The following GLYATL3 variants were observed in gnomAD, a reference collection of about 807,000 sequenced individuals.
The protein encoded by GLYATL3 is glycine N-acyltransferase-like protein 3.
A neutral mutation model predicts 28.5 loss-of-function variants in GLYATL3; 31 were observed. The observed-to-expected ratio is 1.09, with a 90% CI of 0.82 to 1.47. The LOEUF (loss-of-function observed/expected upper bound fraction) is 1.47. Ranked by LOEUF, GLYATL3 falls within the 40% of genes most tolerant of loss-of-function variation. The probability of loss-of-function intolerance (pLI) is 0.00; values close to 1 mark genes in which losing one functional copy is unlikely to be tolerated. For missense variants in GLYATL3, 369 were observed against 351.5 expected, an observed-to-expected ratio of 1.05 and a Z score of -0.40; for synonymous variants, 141 against 140.2, an observed-to-expected ratio of 1.01 and a Z score of -0.04.
chr6:49,505,059 C>A (rs976829741), intron 1 of GLYATL3, among the ~76,000 whole-genome samples: 1 of 152,088 alleles, frequency 6.6e-6, no homozygotes, highest in Non-Finnish European at 1.5e-5. Context: ...TAGCTTTTTT[C>A]CAACTGAGAG....
intron 1 of GLYATL3, among the ~76,000 whole-genome samples, chr6:49,510,000 TTCTC>T (rs771245691): frequency 2.2e-5 from 3 of 139,202 alleles, no homozygotes; most frequent in Admixed American, 7.7e-5. Flanking sequence ...CTTTCTTTCT[TTCTC>T]TTTCTTTCCT....
Position 49,527,011 on chromosome 6 carries a change from T to C in GLYATL3, c.*97T>C, listed in dbSNP as rs1044951327. 1.1e-5 allele frequency: 10 copies of C among 918,232 alleles called. No individual in the cohort carries two copies. In the African/African-American group the frequency reaches 1.7e-4, roughly 15 times the overall value. 56.9% of individuals were successfully genotyped at this position (918,232 alleles called of 1,614,324 possible). A position where few individuals can be genotyped will look rare whatever the true frequency, so the allele number is the denominator to read the frequency against. On this transcript the variant is annotated 3_prime_UTR_variant, in exon 6 of 6. Coordinates refer to ENST00000371197, the MANE Select transcript of GLYATL3 (RefSeq NM_001010904.2). ...AGAGTTAAAATGGGAATCAGGGGAC[T>C]CTTGAGTTGTTGGAAAGGGTCTGGA... is the stretch of plus-strand genomic sequence containing the variant.
At chr6:49,507,969 T>C (rs1299542849) in intron 1 of GLYATL3, among the ~76,000 whole-genome samples, 1 of 152,150 alleles carries the variant, frequency 6.6e-6, no homozygotes, top group Non-Finnish European at 1.5e-5. Context: ...AATATCTGTA[T>C]GCAGAAGTAC....
chr6:49,526,865 A>G lies in GLYATL3; in HGVS notation c.818A>G (p.His273Arg), dbSNP rs1248577831. Residue 273 changes from histidine (H) to arginine (R), a missense_variant, in exon 6 of 6, where the codon CAC (histidine) becomes CGC (arginine). Coordinates refer to ENST00000371197, the MANE Select transcript of GLYATL3 (RefSeq NM_001010904.2). The stretch of plus-strand genomic sequence containing the variant: ...GCTGAGTTCTTGCCTTGTCGCTTCC[A>G]CAGGCTTATTCTCACCCCTGCGACT... ...LHAEFLPCRF[H>R]RLILTPATFS... The G allele has an allele frequency of 1.3e-6, 2 of 1,550,890 alleles. No homozygotes were observed. The highest frequency in any genetic ancestry group is 1.7e-6 in the Non-Finnish European group (2 of 1,146,550).
chr6:49,525,577 A>C (rs1211287637), intron 5 of GLYATL3, among the ~76,000 whole-genome samples: 1 of 149,202 alleles, frequency 6.7e-6, no homozygotes, highest in Admixed American at 6.7e-5. Context: ...AAAAAAAAAA[A>C]AAAAAAAAAA....
rs532639675 is a variant in GLYATL3 at position 49,527,712 on chromosome 6, C to T, written c.*798C>T. Among the ~76,000 whole-genome samples, 6 of 152,232 alleles carry T rather than the reference C, an allele frequency of 3.9e-5. No individual in the cohort carries two copies. Among genetic ancestry groups the T allele is most frequent in the Non-Finnish European group, 8.8e-5 (6 of 68,026 alleles). ...TTTACCTATAACCTATTTCAGCCCC[C>T]TTATTTATAGTCTACTTTCCCATAT... On this transcript the variant is annotated 3_prime_UTR_variant, in exon 6 of 6. Coordinates refer to ENST00000371197, the MANE Select transcript of GLYATL3 (RefSeq NM_001010904.2).
intron 4 of GLYATL3, 121 bp downstream of exon 4, chr6:49,517,677 G>C: frequency 1.6e-6 from 1 of 614,994 alleles, no homozygotes; most frequent in Non-Finnish European, 2.6e-6. Context: ...ACACCTGTAT[G>C]TATAAATACA....
At position 49,508,153 on chromosome 6, in the gene GLYATL3, G is replaced by A. The variant is rs190631500; in HGVS notation, c.-28-3810G>A. ...CTACTAAAAATTTAAAAAATTAGCCGGGTGTGGTGGCGGGCGCCTGTAGTC... is the reference window on the plus strand; with the variant it reads ...CTACTAAAAATTTAAAAAATTAGCCAGGTGTGGTGGCGGGCGCCTGTAGTC... On this transcript the variant is annotated intron_variant, in intron 1 of 5. Transcript: ENST00000371197. Among the ~76,000 whole-genome samples the A allele has an allele frequency of 6.0e-3, 914 of 151,792 alleles. 8 individuals are homozygous for A. Among genetic ancestry groups the A allele is most frequent in the African/African-American group, 0.021 (867 of 41,428 alleles).
chr6:49,518,990 A>G (rs1302375785), intron 4 of GLYATL3, among the ~76,000 whole-genome samples: 2 of 152,180 alleles, frequency 1.3e-5, no homozygotes, highest in African/African-American at 4.8e-5. Context: ...GACCTTATGC[A>G]AGAAGCTCTA....
At chr6:49,514,734 G>A (rs1430890774) in intron 2 of GLYATL3, among the ~76,000 whole-genome samples, 2 of 152,072 alleles carry the variant, frequency 1.3e-5, no homozygotes, top group East Asian at 1.9e-4. Context: ...TCAGGAGGCT[G>A]GGGTGGGAGA....
chr6:49,523,772 A>T (rs968616767), intron 5 of GLYATL3, among the ~76,000 whole-genome samples: 1 of 152,118 alleles, frequency 6.6e-6, no homozygotes, highest in Admixed American at 6.5e-5. Flanking sequence ...TCATACATAG[A>T]CCTCTTTAAT....
intron 5 of GLYATL3, among the ~76,000 whole-genome samples, chr6:49,524,411 A>G (rs111542240): frequency 4.3e-4 from 65 of 152,360 alleles, no homozygotes; most frequent in African/African-American, 1.5e-3. Context: ...CACTGGGGAT[A>G]GTCTTATGAT....
intron 4 of GLYATL3, among the ~76,000 whole-genome samples, chr6:49,519,895 A>G (rs1047890773): frequency 2.6e-5 from 4 of 152,274 alleles, no homozygotes; most frequent in Non-Finnish European, 1.5e-5. Context: ...TCTGCTCACT[A>G]CTGGTTGCAC....
intron 5 of GLYATL3, among the ~76,000 whole-genome samples, chr6:49,526,281 C>T (rs533448378): frequency 1.1e-4 from 16 of 152,110 alleles, no homozygotes; most frequent in African/African-American, 3.4e-4. Context: ...GGGATGGTGA[C>T]GGGTGCCTGT....
At chr6:49,517,334 A>G (rs78391179) in intron 3 of GLYATL3, 96 bp from the exon 4 acceptor site, 16,140 of 1,069,364 alleles carry the variant, frequency 0.015, 188 homozygotes, top group South Asian at 0.031. Context: ...TATAAAAATT[A>G]GCTAGACATG....
At chr6:49,512,509 AT>A (rs981821048) in intron 2 of GLYATL3, among the ~76,000 whole-genome samples, 7 of 152,056 alleles carry the variant, frequency 4.6e-5, no homozygotes, top group Non-Finnish European at 8.8e-5. Flanking sequence ...TCCTAAGGAA[AT>A]TTAGGTAATT....
In GLYATL3 at chr6:49,528,072, A is replaced by G. The variant is rs1298732735; in HGVS notation, c.*1158A>G. Among the ~76,000 whole-genome samples, 1 of 152,150 alleles carries G rather than the reference A, an allele frequency of 6.6e-6. No homozygotes were observed. Among genetic ancestry groups the G allele is most frequent in the Non-Finnish European group, 1.5e-5 (1 of 68,020 alleles). On this transcript the variant is annotated 3_prime_UTR_variant, in exon 6 of 6. Coordinates refer to ENST00000371197, the MANE Select transcript of GLYATL3 (RefSeq NM_001010904.2). ...AAAATGCTTACATAATTAAAATATT[A>G]ATTTTAGTTTTCTCTTATTCTTGTC... is the stretch of plus-strand genomic sequence containing the variant.
intron 4 of GLYATL3, among the ~76,000 whole-genome samples, chr6:49,517,762 G>T (rs557005566): frequency 3.9e-4 from 59 of 152,144 alleles, no homozygotes; most frequent in African/African-American, 1.4e-3. Flanking sequence ...CTTCTAATGA[G>T]GCATGCATGG....
rs544593450 is a variant in GLYATL3 at position 49,521,678 on chromosome 6, C to T, written c.347C>T (p.Ala116Val). 126 of 1,550,156 alleles carry T rather than the reference C, an allele frequency of 8.1e-5. No individual in the cohort carries two copies. The highest frequency in any genetic ancestry group is 9.7e-5 in the Non-Finnish European group (111 of 1,145,618). Residue 116 changes from alanine (A) to valine (V), a missense_variant, in exon 5 of 6, where the codon GCG becomes GTG. Physicochemically the swap from Ala to Val is moderately conservative, Grantham distance 64 (BLOSUM62 0). Transcript: ENST00000371197. ...LQSELYDVSK[A>V]VANSKQLNIK... Reference sequence around the variant, plus strand: ...AGTGAGTTATATGATGTTTCCAAAGCGGTTGCCAATTCAAAGCAGTTGAAT... The same window carrying T: ...AGTGAGTTATATGATGTTTCCAAAGTGGTTGCCAATTCAAAGCAGTTGAAT...
Sources: allele counts gnomAD v4.1 joint callset (sites outside exome capture counted in the v4.1 genomes callset), GRCh38; gene constraint gnomAD v4.1.1; transcripts MANE v1.5; gene names NCBI Gene and HGNC (gene_info 2026-07-23, HGNC 2026-07-21).